Variants in FBXO11 observed in about 807,000 individuals in gnomAD.
FBXO11 encodes F-box protein 11, also known as F-box only protein 11.
Under a neutral mutation model 117.0 loss-of-function variants are expected in FBXO11, and 13 were observed. The observed-to-expected ratio is 0.11, with a 90% CI of 0.07 to 0.18. The LOEUF (loss-of-function observed/expected upper bound fraction) is 0.18. FBXO11 is among the 10% of genes least tolerant of loss of function. The pLI, the probability that FBXO11 is intolerant of heterozygous loss-of-function variation, is 1.00. For synonymous variants in FBXO11, 490 were observed against 380.5 expected (o/e 1.29, Z -3.35); for missense variants, 767 against 1,164.4 (o/e 0.66, Z 4.97).
intron 1 of FBXO11, among the ~76,000 whole-genome samples, chr2:47,898,941 C>T (rs1558484383): frequency 2.6e-5 from 4 of 151,798 alleles, no homozygotes; most frequent in Non-Finnish European, 4.4e-5. Flanking sequence ...TCTACTTCTT[C>T]ATTTATTAAA....
At chr2:47,892,692 A>C (rs1261883816) in intron 1 of FBXO11, among the ~76,000 whole-genome samples, 1 of 152,228 alleles carries the variant, frequency 6.6e-6, no homozygotes, top group Non-Finnish European at 1.5e-5. Context: ...CTTAAATTCT[A>C]GCAACATATA....
chr2:47,824,639 G>A (rs1422818033), intron 11 of FBXO11, among the ~76,000 whole-genome samples: 1 of 152,108 alleles, frequency 6.6e-6, no homozygotes, highest in African/African-American at 2.4e-5. Context: ...AAAAGAACAA[G>A]TTTTAAAGTA....
rs188741020 is a variant in FBXO11 at position 47,897,806 on chromosome 2, A to T, written c.232+7683T>A. On this transcript the variant is annotated intron_variant, in intron 1 of 22. Transcript: ENST00000403359. ...GGAAAAGGAGTGTTGTTCACTAGGA[A>T]AAAAGAGTAAAAATGAGATTATCAC... is the stretch of plus-strand genomic sequence containing the variant. Among the ~76,000 whole-genome samples, 10 of 152,256 alleles carry T rather than the reference A, an allele frequency of 6.6e-5. No individual in the cohort carries two copies. In the East Asian group the frequency reaches 1.5e-3, roughly 23 times the overall value.
chr2:47,842,015 A>AT (rs1673047482), intron 1 of FBXO11, among the ~76,000 whole-genome samples: 2 of 146,780 alleles, frequency 1.4e-5, no homozygotes, highest in African/African-American at 2.5e-5. Flanking sequence ...TATCAGTTTT[A>AT]TTTTTATTTT....
At chr2:47,839,837 C>T in intron 1 of FBXO11, 68 bp from the exon 2 acceptor site, 1 of 1,472,612 alleles carries the variant, frequency 6.8e-7, no homozygotes, top group African/African-American at 1.4e-5. Flanking sequence ...ATACAGAAAA[C>T]TTTCTTAAAA....
At chr2:47,889,168 A>C (rs1053459357) in intron 1 of FBXO11, among the ~76,000 whole-genome samples, 1 of 152,214 alleles carries the variant, frequency 6.6e-6, no homozygotes, top group African/African-American at 2.4e-5. Flanking sequence ...CATAACACCA[A>C]TATGACTGCT....
At chr2:47,840,626 A>AT (rs959873003) in intron 1 of FBXO11, among the ~76,000 whole-genome samples, 12 of 150,902 alleles carry the variant, frequency 8.0e-5, no homozygotes, top group Admixed American at 2.0e-4. Context: ...CTAAAAAACA[A>AT]TTTTTTTTGG....
intron 1 of FBXO11, among the ~76,000 whole-genome samples, chr2:47,862,164 G>T (rs1239193140): frequency 1.3e-5 from 2 of 152,044 alleles, no homozygotes; most frequent in African/African-American, 4.8e-5. Flanking sequence ...CAAGTGATCT[G>T]CCTGTTTCGG....
rs531661911 is a variant in FBXO11 at position 47,893,052 on chromosome 2, G to A, written c.232+12437C>T. 1.0e-3 allele frequency among the ~76,000 whole-genome samples: 159 copies of A among 152,098 alleles called. 1 individual carries two copies. The highest frequency in any genetic ancestry group is 3.7e-3 in the African/African-American group (153 of 41,494). ...TGCCTGTAATCCCAGCTAATCCGGAGGCTGAGGCACAAGAACTGCTTGAAC... is the reference window on the plus strand; with the variant it reads ...TGCCTGTAATCCCAGCTAATCCGGAAGCTGAGGCACAAGAACTGCTTGAAC... On this transcript the variant is annotated intron_variant, in intron 1 of 22. Transcript: ENST00000403359.
At chr2:47,838,074 A>G (rs1431985178) in intron 4 of FBXO11, among the ~76,000 whole-genome samples, 1 of 151,534 alleles carries the variant, frequency 6.6e-6, no homozygotes, top group Non-Finnish European at 1.5e-5. Flanking sequence ...AAAAAAAAAA[A>G]AAAAAAAAAT....
intron 1 of FBXO11, among the ~76,000 whole-genome samples, chr2:47,883,232 A>C (rs1676566370): frequency 6.6e-6 from 1 of 152,146 alleles, no homozygotes; most frequent in Non-Finnish European, 1.5e-5. Flanking sequence ...AATAAACTGA[A>C]TTTTCCTGAA....
intron 2 of FBXO11, 42 bp downstream of exon 2, chr2:47,839,600 T>C (rs2104862055): frequency 6.2e-7 from 1 of 1,606,336 alleles, no homozygotes. Flanking sequence ...TTCTTGAAAA[T>C]TCTTTCATTA....
intron 1 of FBXO11, among the ~76,000 whole-genome samples, chr2:47,900,629 C>CGT (rs1678075954): frequency 3.4e-5 from 1 of 29,842 alleles, no homozygotes; most frequent in Non-Finnish European, 7.8e-5. Context: ...CACACGTATA[C>CGT]ACACACGTAC....
chr2:47,903,839 C>T (rs1404884239), intron 1 of FBXO11, among the ~76,000 whole-genome samples: 1 of 152,044 alleles, frequency 6.6e-6, no homozygotes, highest in Non-Finnish European at 1.5e-5. Flanking sequence ...ATTATTTGAA[C>T]GGAACATCAG....
chr2:47,896,465 G>A (rs1481990627), intron 1 of FBXO11, among the ~76,000 whole-genome samples: 2 of 152,008 alleles, frequency 1.3e-5, no homozygotes, highest in African/African-American at 4.8e-5. Flanking sequence ...GAGTAGCTGG[G>A]ACTACAGGCA....
intron 22 of FBXO11, 37 bp downstream of exon 22, chr2:47,808,292 G>GT: frequency 6.2e-7 from 1 of 1,612,514 alleles, no homozygotes; most frequent in Non-Finnish European, 8.5e-7. Context: ...GAGGGGGAAA[G>GT]TAATTGGGTA....
chr2:47,860,757 A>C (rs1033211320), intron 1 of FBXO11, among the ~76,000 whole-genome samples: 1 of 151,040 alleles, frequency 6.6e-6, no homozygotes, highest in African/African-American at 2.4e-5. Flanking sequence ...TGCAGGAGAG[A>C]GAGAGAAAGA....
chr2:47,807,918 C>T lies in FBXO11; in HGVS notation c.*200G>A. ...AAGTCTTTACACAGTAATGCTAAAA[C>T]ACCCAGCTTTGAGATCCTGAGTCAA... On this transcript the variant is annotated 3_prime_UTR_variant, in exon 23 of 23. Coordinates refer to ENST00000403359, the MANE Select transcript of FBXO11 (RefSeq NM_001190274.2). 2 of 530,818 alleles carry T rather than the reference C, an allele frequency of 3.8e-6. No homozygotes were observed. Among genetic ancestry groups the T allele is most frequent in the Non-Finnish European group, 6.7e-6 (2 of 298,712 alleles). The allele number at this position is 530,818 out of a possible 1,614,324, so 32.9% of individuals were successfully genotyped here.
intron 13 of FBXO11, 85 bp downstream of exon 13, chr2:47,822,133 G>T: frequency 1.1e-6 from 1 of 894,200 alleles, no homozygotes; most frequent in Non-Finnish European, 1.8e-6. Context: ...TTCCACTTGG[G>T]TAGTTTCAAA....
Sources: allele counts gnomAD v4.1 joint callset (sites outside exome capture counted in the v4.1 genomes callset), GRCh38; gene constraint gnomAD v4.1.1; transcripts MANE v1.5; gene names NCBI Gene and HGNC (gene_info 2026-07-23, HGNC 2026-07-21).